Variants in SRPK2 observed in about 807,000 individuals in gnomAD.
SRPK2 encodes the protein SFRS protein kinase 2.
A neutral mutation model predicts 90.8 loss-of-function variants in SRPK2; 21 were observed. That is an observed-to-expected ratio of 0.23 (90% CI 0.16 to 0.33). The LOEUF is 0.33. Ranked by LOEUF, SRPK2 falls within the 10% of genes least tolerant of loss-of-function variation. The pLI, the probability that SRPK2 is intolerant of heterozygous loss-of-function variation, is 1.00. For missense variants in SRPK2, 620 were observed against 869.0 expected, an observed-to-expected ratio of 0.71 and a Z score of 3.60; for synonymous variants, 288 against 311.1, an observed-to-expected ratio of 0.93 and a Z score of 0.78.
intron 2 of SRPK2, among the ~76,000 whole-genome samples, chr7:105,327,862 G>A (rs1467691562): frequency 1.3e-5 from 2 of 152,154 alleles, no homozygotes; most frequent in South Asian, 2.1e-4. Context: ...GTGCAGTGGC[G>A]TGATCCCGGC....
At chr7:105,274,523 C>T (rs1320129922) in intron 2 of SRPK2, among the ~76,000 whole-genome samples, 6 of 151,902 alleles carry the variant, frequency 3.9e-5, no homozygotes, top group African/African-American at 1.5e-4. Flanking sequence ...GATCACACCA[C>T]TGCACTCCAA....
intron 2 of SRPK2, among the ~76,000 whole-genome samples, chr7:105,379,455 G>A (rs1437393942): frequency 6.6e-6 from 1 of 151,888 alleles, no homozygotes; most frequent in Non-Finnish European, 1.5e-5. Context: ...GCGTACTGAG[G>A]GATGACTGTA....
intron 2 of SRPK2, among the ~76,000 whole-genome samples, chr7:105,310,404 A>G (rs1212392848): frequency 6.6e-6 from 1 of 152,188 alleles, no homozygotes; most frequent in Non-Finnish European, 1.5e-5. Context: ...ATGAAAAAAT[A>G]GGCTGGGCGT....
chr7:105,289,733 C>A (rs1304652963), intron 2 of SRPK2, among the ~76,000 whole-genome samples: 1 of 152,164 alleles, frequency 6.6e-6, no homozygotes. Flanking sequence ...CTTTAAATTT[C>A]CGTCAAAAAT....
chr7:105,282,334 C>A (rs927503565), intron 2 of SRPK2, among the ~76,000 whole-genome samples: 4 of 152,144 alleles, frequency 2.6e-5, no homozygotes, highest in Non-Finnish European at 5.9e-5. Context: ...ATGGATCAAA[C>A]AGCTAAATAT....
At chr7:105,210,088 T>A (rs1366837694) in intron 2 of SRPK2, among the ~76,000 whole-genome samples, 1 of 152,218 alleles carries the variant, frequency 6.6e-6, no homozygotes, top group African/African-American at 2.4e-5. Context: ...GGCAACCAGA[T>A]GAGAGTTCCG....
chr7:105,273,423 CTTTTTT>C (rs1296489097), intron 2 of SRPK2, among the ~76,000 whole-genome samples: 1 of 124,408 alleles, frequency 8.0e-6, no homozygotes, highest in Non-Finnish European at 1.9e-5. Context: ...TTTTCTTTTT[CTTTTTT>C]TCTTTTTTTT....
At chr7:105,183,220 T>C (rs1220920391) in intron 3 of SRPK2, among the ~76,000 whole-genome samples, 2 of 152,162 alleles carry the variant, frequency 1.3e-5, no homozygotes, top group Non-Finnish European at 2.9e-5. Context: ...GTGTAAAAAA[T>C]TTTCTTCAAT....
chr7:105,362,765 T>TA (rs2132288757), intron 2 of SRPK2, among the ~76,000 whole-genome samples: 1 of 152,302 alleles, frequency 6.6e-6, no homozygotes, highest in South Asian at 2.1e-4. Context: ...ACTGTGGCAC[T>TA]ATTCACAATA....
At chr7:105,342,152 G>A (rs1307142141) in intron 2 of SRPK2, among the ~76,000 whole-genome samples, 2 of 148,748 alleles carry the variant, frequency 1.3e-5, no homozygotes, top group East Asian at 2.1e-4. Flanking sequence ...GTGAAACCCC[G>A]TCTCCACTAA....
intron 2 of SRPK2, among the ~76,000 whole-genome samples, chr7:105,208,688 A>AT (rs1338532044): frequency 6.6e-6 from 1 of 152,194 alleles, no homozygotes; most frequent in Admixed American, 6.5e-5. Context: ...TAGATATGGG[A>AT]TATCTGTTAG....
Position 105,385,084 on chromosome 7 carries a change from G to A in SRPK2, c.71+3564C>T, listed in dbSNP as rs1193387781. Among the ~76,000 whole-genome samples, 7 of 150,960 alleles carry A rather than the reference G, an allele frequency of 4.6e-5. No homozygotes were observed. In the East Asian group the frequency reaches 1.4e-3, roughly 29 times the overall value. On this transcript the variant is annotated intron_variant, in intron 2 of 15. Coordinates refer to ENST00000393651, the MANE Select transcript of SRPK2 (RefSeq NM_182692.3). ...GGACGGGGTTTCACCGTGTTAGCCA[G>A]GATGGTCTCGATCTCCTGACCTCGT... is the stretch of plus-strand genomic sequence containing the variant.
intron 2 of SRPK2, among the ~76,000 whole-genome samples, chr7:105,250,702 C>T (rs1032964289): frequency 2.6e-5 from 4 of 152,144 alleles, no homozygotes; most frequent in Non-Finnish European, 4.4e-5. Flanking sequence ...TTGGAAAATG[C>T]TTGACTTGTA....
At chr7:105,301,700 T>C in intron 2 of SRPK2, 1 of 1,611,492 alleles carries the variant, frequency 6.2e-7, no homozygotes, top group Non-Finnish European at 8.5e-7. Context: ...ACACCTCCAA[T>C]TCTATCTATG....
chr7:105,252,488 T>C (rs1802609779), intron 2 of SRPK2, among the ~76,000 whole-genome samples: 1 of 152,198 alleles, frequency 6.6e-6, no homozygotes, highest in African/African-American at 2.4e-5. Flanking sequence ...GGTTTTTGAA[T>C]TTTAAAATTA....
chr7:105,275,253 G>A (rs1315140601), intron 2 of SRPK2, among the ~76,000 whole-genome samples: 1 of 152,054 alleles, frequency 6.6e-6, no homozygotes, highest in Non-Finnish European at 1.5e-5. Flanking sequence ...GGTAACAGTA[G>A]GACATTTCAA....
intron 2 of SRPK2, among the ~76,000 whole-genome samples, chr7:105,258,417 C>CAAAAAAAAAA (rs33941320): frequency 1.6e-5 from 2 of 121,614 alleles, no homozygotes; most frequent in African/African-American, 3.1e-5. Flanking sequence ...AACTCGGTCT[C>CAAAAAAAAAA]AAAAAAAAAA....
At chr7:105,121,140 G>C (rs551537461) in intron 15 of SRPK2, among the ~76,000 whole-genome samples, 1 of 152,252 alleles carries the variant, frequency 6.6e-6, no homozygotes, top group African/African-American at 2.4e-5. Flanking sequence ...CTGAGGTCAG[G>C]AGTTCGAGAC....
At chr7:105,363,854 A>G (rs1483140931) in intron 2 of SRPK2, among the ~76,000 whole-genome samples, 2 of 152,342 alleles carry the variant, frequency 1.3e-5, no homozygotes, top group African/African-American at 4.8e-5. Context: ...CTATGCAGCC[A>G]TAAAAAAGGA....
Sources: gnomAD v4.1 joint callset for allele counts (sites outside exome capture counted in the v4.1 genomes callset) on GRCh38, gnomAD v4.1.1 for gene constraint, MANE v1.5 for transcripts, NCBI Gene and HGNC (gene_info 2026-07-23, HGNC 2026-07-21) for gene names.